MCCC2: variants seen among roughly 807,000 people sequenced by gnomAD.
MCCC2 encodes the protein methylcrotonyl-CoA carboxylase subunit 2, also known as methylcrotonoyl-CoA carboxylase beta chain, mitochondrial.
Under a neutral mutation model 77.2 loss-of-function variants are expected in MCCC2, and 52 were observed. The ratio of observed to expected loss-of-function variants is 0.67; its 90% CI spans 0.54 to 0.85. The LOEUF (loss-of-function observed/expected upper bound fraction) is 0.85, where lower values mean the gene tolerates loss of function less well. Among genes scored for constraint, MCCC2 ranks in the 40% least tolerant of loss-of-function variants. The pLI, the probability that MCCC2 is intolerant of heterozygous loss-of-function variation, is 0.00. For missense variants in MCCC2, 682 were observed against 703.2 expected (o/e 0.97, Z 0.34); for synonymous variants, 253 against 248.4 (o/e 1.02, Z -0.18).
chr5:71,588,628 G>C (rs1744852803), intron 1 of MCCC2, among the ~76,000 whole-genome samples: 1 of 152,294 alleles, frequency 6.6e-6, no homozygotes, highest in Middle Eastern at 3.4e-3. Flanking sequence ...GTGTAAGAAG[G>C]GTTGTCTAAA....
chr5:71,641,368 A>G, intron 11 of MCCC2: 2 of 368,700 alleles, frequency 5.4e-6, no homozygotes, highest in Non-Finnish European at 1.0e-5. Context: ...AGTAGAAAAT[A>G]CTTGTAGTTC....
intron 10 of MCCC2, chr5:71,636,399 ACT>A: frequency 6.1e-6 from 1 of 163,724 alleles, no homozygotes; most frequent in South Asian, 1.5e-4. Flanking sequence ...TGGTACTTAA[ACT>A]CTGACATACT....
chr5:71,654,698 G>A (rs752009348), intron 16 of MCCC2, among the ~76,000 whole-genome samples: 7 of 151,988 alleles, frequency 4.6e-5, no homozygotes, highest in Non-Finnish European at 8.8e-5. Context: ...GAGAAAGATT[G>A]CATCTTTTAT....
At chr5:71,634,073 C>T (rs760353279) in intron 8 of MCCC2, among the ~76,000 whole-genome samples, 2 of 151,462 alleles carry the variant, frequency 1.3e-5, no homozygotes, top group Admixed American at 6.6e-5. Context: ...TTTTCCCAGG[C>T]AAGCCATAAA....
At chr5:71,588,553 T>A (rs973503919) in intron 1 of MCCC2, among the ~76,000 whole-genome samples, 4 of 152,204 alleles carry the variant, frequency 2.6e-5, no homozygotes, top group African/African-American at 9.7e-5. Context: ...TTGGCATGGA[T>A]GCGTAGGAAT....
intron 13 of MCCC2, 52 bp from the exon 14 acceptor site, chr5:71,649,045 T>C: frequency 6.2e-7 from 1 of 1,601,376 alleles, no homozygotes; most frequent in Non-Finnish European, 8.6e-7. Flanking sequence ...GGAATTGCGT[T>C]CCGCATATTA....
intron 6 of MCCC2, among the ~76,000 whole-genome samples, chr5:71,611,498 A>G (rs1172574018): frequency 6.6e-6 from 1 of 152,260 alleles, no homozygotes; most frequent in East Asian, 1.9e-4. Context: ...GATTAATAAT[A>G]CAGTTTTTGT....
chr5:71,596,667 T>A (rs187066900), intron 3 of MCCC2, among the ~76,000 whole-genome samples: 1 of 152,150 alleles, frequency 6.6e-6, no homozygotes, highest in East Asian at 1.9e-4. Context: ...TCTGGCTGGG[T>A]GTGGTGGCTC....
Position 71,656,746 on chromosome 5 carries a change from A to T in MCCC2, c.1578A>T (p.Val526=). Residue 526 remains valine, a synonymous_variant, in exon 17 of 17, where the codon GTA becomes GTT. Coordinates refer to ENST00000340941, the MANE Select transcript of MCCC2 (RefSeq NM_022132.5). The part of the protein sequence containing the change: ...EGNPYYSSAR[V]WDDGIIDPAD... ...TCTTTTTTTGTTCTTTTGTCAGGGT[A>T]TGGGATGATGGGATCATTGATCCAG... is the stretch of plus-strand genomic sequence containing the variant. The T allele has an allele frequency of 6.2e-7, 1 of 1,612,590 alleles. No homozygotes were observed. Among genetic ancestry groups the T allele is most frequent in the Non-Finnish European group, 8.5e-7 (1 of 1,178,698 alleles).
At chr5:71,644,078 T>C (rs961753186) in intron 12 of MCCC2, among the ~76,000 whole-genome samples, 183 bp downstream of exon 12, 14 of 149,012 alleles carry the variant, frequency 9.4e-5, no homozygotes, top group Middle Eastern at 3.5e-3. Flanking sequence ...TGTGCGCGCG[T>C]GTGTATATAT....
At chr5:71,636,560 G>C (rs1746936002) in intron 10 of MCCC2, 1 of 151,930 alleles carries the variant, frequency 6.6e-6, no homozygotes, top group Non-Finnish European at 1.5e-5. Flanking sequence ...AATTAGCCGG[G>C]CGTGGTAGCA....
intron 6 of MCCC2, among the ~76,000 whole-genome samples, chr5:71,622,907 C>A (rs538724519): frequency 9.2e-5 from 14 of 152,322 alleles, no homozygotes; most frequent in Non-Finnish European, 2.1e-4. Flanking sequence ...GAGATCGAGA[C>A]CATCCTGGCT....
chr5:71,625,288 G>A (rs947034527), intron 6 of MCCC2, among the ~76,000 whole-genome samples: 5 of 152,176 alleles, frequency 3.3e-5, no homozygotes, highest in African/African-American at 1.2e-4. Flanking sequence ...AGAACAGGAT[G>A]CTAAGGTAAA....
Position 71,591,628 on chromosome 5 carries a change from G to A in MCCC2, c.130-1298G>A, listed in dbSNP as rs187434604. Among the ~76,000 whole-genome samples, 52 of 152,016 alleles carry A rather than the reference G, an allele frequency of 3.4e-4. No individual in the cohort carries two copies. In the East Asian group the frequency reaches 0.01, roughly 29 times the overall value. ...ATTTTGTATTTTTTAGTAGAGACGA[G>A]TTTTCTCCATGTTGGTCAGGCTGGT... On this transcript the variant is annotated intron_variant, in intron 1 of 16. Transcript: ENST00000340941.
chr5:71,635,233 T>A lies in MCCC2; in HGVS notation c.986T>A (p.Phe329Tyr). 1 of 1,614,124 alleles carries A rather than the reference T, an allele frequency of 6.2e-7. No individual in the cohort carries two copies. The highest frequency in any genetic ancestry group is 8.5e-7 in the Non-Finnish European group (1 of 1,179,962). Residue 329 changes from phenylalanine to tyrosine, a missense_variant, in exon 10 of 17, where the codon TTT becomes TAT. Coordinates refer to ENST00000340941, the MANE Select transcript of MCCC2 (RefSeq NM_022132.5). ...GTTGGTGCTAACCTTAAGAGGAGCT[T>A]TGATGTCCGAGAGGTATGTGAAAGT... ...GIVGANLKRS[F>Y]DVREVIARIV...
intron 6 of MCCC2, among the ~76,000 whole-genome samples, chr5:71,622,605 A>G (rs558116622): frequency 2.0e-5 from 3 of 152,168 alleles, no homozygotes; most frequent in East Asian, 3.9e-4. Flanking sequence ...CTAGGCCACC[A>G]CTAAGCTACT....
At chr5:71,598,560 C>T (rs1745285146) in intron 3 of MCCC2, among the ~76,000 whole-genome samples, 1 of 151,764 alleles carries the variant, frequency 6.6e-6, no homozygotes, top group African/African-American at 2.4e-5. Context: ...CTGCCTCAGC[C>T]TCCCGAGTAG....
intron 11 of MCCC2, among the ~76,000 whole-genome samples, chr5:71,641,954 G>A (rs1270307492): frequency 1.3e-5 from 2 of 152,180 alleles, no homozygotes; most frequent in Admixed American, 6.6e-5. Context: ...AAAGCTTTTT[G>A]TTTGATATAT....
At chr5:71,608,564 T>G (rs1395534435) in intron 6 of MCCC2, among the ~76,000 whole-genome samples, 1 of 151,618 alleles carries the variant, frequency 6.6e-6, no homozygotes, top group Non-Finnish European at 1.5e-5. Context: ...TTGGAGCATT[T>G]AGTCCATTTA....
Sources: gnomAD v4.1 joint callset for allele counts (sites outside exome capture counted in the v4.1 genomes callset) on GRCh38, gnomAD v4.1.1 for gene constraint, MANE v1.5 for transcripts, NCBI Gene and HGNC (gene_info 2026-07-23, HGNC 2026-07-21) for gene names.